The following A1BG variants were observed in gnomAD, a reference collection of about 807,000 sequenced individuals.
The protein encoded by A1BG is alpha-1-B glycoprotein, also known as alpha-1B-glycoprotein.
Under a neutral mutation model 46.0 loss-of-function variants are expected in A1BG, and 44 were observed. The observed-to-expected ratio is 0.96, with a 90% CI of 0.75 to 1.23. A1BG has a LOEUF of 1.23. A1BG is among the 50% of genes most tolerant of loss of function. The probability of loss-of-function intolerance (pLI) is 0.00; values close to 1 mark genes in which losing one functional copy is unlikely to be tolerated. For missense variants in A1BG, 707 were observed against 688.8 expected, an observed-to-expected ratio of 1.03 and a Z score of -0.30; for synonymous variants, 316 against 314.7, an observed-to-expected ratio of 1.00 and a Z score of -0.04.
rs145532647 is a variant in A1BG, at chr19:58,351,571, G to T, written c.730C>A (p.Arg244=). The change falls in exon 5 of 8, where the codon CGG becomes AGG. Residue 244 remains arginine (R), a synonymous_variant. Coordinates refer to ENST00000263100, the MANE Select transcript of A1BG (RefSeq NM_130786.4). ...ACCAGCAGCTCTTTCTCCCCGCGCC[G>T]TAGCTGGAAGTCCACTCCACTCAGG... ...APLSGVDFQL[R]RGEKELLVPR... 6.2e-7 allele frequency: 1 copy of T among 1,613,754 alleles called. No individual in the cohort carries two copies. Among genetic ancestry groups the T allele is most frequent in the East Asian group, 2.2e-5 (1 of 44,884 alleles).
intron 5 of A1BG, 79 bp from the exon 6 acceptor site, chr19:58,350,730 T>G: frequency 7.7e-7 from 1 of 1,296,340 alleles, no homozygotes; most frequent in Non-Finnish European, 9.8e-7. Flanking sequence ...TCGCGCTCTT[T>G]GCCTTGGCTG....
intron 6 of A1BG, chr19:58,350,007 G>A (rs914620368): frequency 9.2e-6 from 2 of 218,484 alleles, no homozygotes; most frequent in Non-Finnish European, 9.0e-6. Context: ...CACATCAGCC[G>A]TGCGCCTGCG....
chr19:58,346,785 C>G lies in A1BG; in HGVS notation c.*237G>C. The G allele has an allele frequency of 1.6e-6, 1 of 616,744 alleles. No homozygotes were observed. The highest frequency in any genetic ancestry group is 2.8e-5 in the East Asian group (1 of 35,820). 38.2% of individuals were successfully genotyped at this position (616,744 alleles called of 1,614,324 possible). A position where few individuals can be genotyped will look rare whatever the true frequency, so the allele number is the denominator to read the frequency against. ...GTTCTCCACTCCTCTACCTCAGGAG[C>G]CACCCCAGAACCCATCCACTTTGAG... On this transcript the variant is annotated 3_prime_UTR_variant, in exon 8 of 8. Transcript: ENST00000263100.
chr19:58,349,296 G>A (rs924648551), intron 6 of A1BG, among the ~76,000 whole-genome samples: 7 of 152,054 alleles, frequency 4.6e-5, no homozygotes, highest in African/African-American at 1.7e-4. Context: ...GATTACAGGC[G>A]TGAGCCACCT....
rs2051914702 is a variant in A1BG at position 58,346,530 on chromosome 19, C to A, written c.*492G>T. 4.4e-6 allele frequency: 1 copy of A among 226,662 alleles called. No individual in the cohort carries two copies. Among genetic ancestry groups the A allele is most frequent in the South Asian group, 5.4e-5 (1 of 18,554 alleles). 14.0% of individuals were successfully genotyped at this position (226,662 alleles called of 1,614,324 possible). On this transcript the variant is annotated 3_prime_UTR_variant, in exon 8 of 8. Coordinates refer to ENST00000263100, the MANE Select transcript of A1BG (RefSeq NM_130786.4). ...CTTAAGGCCAGGAGTTCAAGACAAG[C>A]TTGGGCAACACAGTGAGACCCTGTC...
rs2051925376 is a variant in A1BG, at chr19:58,347,688, G to GCCCCAGGCCACGCCCCAGGCCACA, written c.1193-49_1193-48insTGTGGCCTGGGGCGTGGCCTGGGG. On this transcript the variant is annotated intron_variant, in intron 6 of 7. Transcript: ENST00000263100. ...CGGGCCAGGCCACGCCCCAGGCCAC[G>GCCCCAGGCCACGCCCCAGGCCACA]CCCCAGGCCACACCCCAGGCCACAC... The GCCCCAGGCCACGCCCCAGGCCACA allele has an allele frequency of 4.9e-6, 5 of 1,025,964 alleles. No homozygotes were observed. The African/African-American group carries it at 6.9e-5, about 14-fold the overall frequency. The allele number at this position is 1,025,964 out of a possible 1,614,324, so 63.6% of individuals were successfully genotyped here. A position where few individuals can be genotyped will look rare whatever the true frequency, so the allele number is the denominator to read the frequency against.
intron 6 of A1BG, 134 bp downstream of exon 6, chr19:58,350,236 G>C (rs566538852): frequency 2.6e-4 from 311 of 1,179,600 alleles, no homozygotes; most frequent in Non-Finnish European, 3.2e-4. Context: ...CCTGCTCCCC[G>C]CCGGGGTAGG....
At position 58,352,265 on chromosome 19, in the gene A1BG, G is replaced by A. The variant is rs1455947277; in HGVS notation, c.613+18C>T. 1.9e-6 allele frequency: 3 copies of A among 1,611,254 alleles called. No individual in the cohort carries two copies. The highest frequency in any genetic ancestry group is 2.2e-5 in the East Asian group (1 of 44,832). On this transcript the variant is annotated intron_variant, in intron 4 of 7. Transcript: ENST00000263100. ...TCCTCCTCCCCCAGCAGCCCCCAGA[G>A]ATGGTTCCCACAGTCACCGAGCTCC... is the stretch of plus-strand genomic sequence containing the variant.
intron 6 of A1BG, chr19:58,349,755 GAGAAAGAAGGAAGGAAGAA>G (rs1568552958): frequency 1.3e-5 from 2 of 149,344 alleles, no homozygotes; most frequent in African/African-American, 2.5e-5. Flanking sequence ...AAAGAAAAGA[GAGAAAGAAGGAAGGAAGAA>G]AGAAAGAAGG....
rs1358109804 is a variant in A1BG, at chr19:58,346,786, C to T, written c.*236G>A. On this transcript the variant is annotated 3_prime_UTR_variant, in exon 8 of 8. Coordinates refer to ENST00000263100, the MANE Select transcript of A1BG (RefSeq NM_130786.4). Reference sequence around the variant, plus strand: ...TTCTCCACTCCTCTACCTCAGGAGCCACCCCAGAACCCATCCACTTTGAGG... The same window carrying T: ...TTCTCCACTCCTCTACCTCAGGAGCTACCCCAGAACCCATCCACTTTGAGG... 15 of 615,964 alleles carry T rather than the reference C, an allele frequency of 2.4e-5. No homozygotes were observed. In the East Asian group the frequency reaches 4.2e-4, roughly 17 times the overall value. 38.2% of individuals were successfully genotyped at this position (615,964 alleles called of 1,614,324 possible). A position where few individuals can be genotyped will look rare whatever the true frequency, so the allele number is the denominator to read the frequency against.
At chr19:58,352,760 C>T (rs1027308081) in intron 3 of A1BG, 168 bp downstream of exon 3, 62 of 1,208,478 alleles carry the variant, frequency 5.1e-5, no homozygotes, top group Non-Finnish European at 7.0e-5. Flanking sequence ...GCCGGGCCTG[C>T]TGGGGACACA....
intron 6 of A1BG, 130 bp downstream of exon 6, chr19:58,350,240 G>T: frequency 8.3e-7 from 1 of 1,202,310 alleles, no homozygotes; most frequent in Non-Finnish European, 1.1e-6. Context: ...CTCCCCGCCG[G>T]GGTAGGCGAT....
Position 58,350,625 on chromosome 19 carries a change from G to C in A1BG, c.937C>G (p.Pro313Ala), listed in dbSNP as rs1012461863. Residue 313 changes from proline (P) to alanine (A), a missense_variant, in exon 6 of 8, where the codon CCG becomes GCG. Pro to Ala is a conservative substitution (Grantham distance 27, BLOSUM62 -1). Transcript: ENST00000263100. ...AAGGCCCTGCCGGACTCCGGCTCCG[G>C]GGAGAACTCCGGCGCGGGCAGCGTC... is the stretch of plus-strand genomic sequence containing the variant. The part of the protein sequence containing the change: ...DETLPAPEFS[P>A]EPESGRALRL... The C allele has an allele frequency of 5.6e-6, 8 of 1,431,860 alleles. No individual in the cohort carries two copies. Among genetic ancestry groups the C allele is most frequent in the African/African-American group, 1.5e-5 (1 of 66,018 alleles). The allele number at this position is 1,431,860 out of a possible 1,614,324, so 88.7% of individuals were successfully genotyped here. A position where few individuals can be genotyped will look rare whatever the true frequency, so the allele number is the denominator to read the frequency against.
rs1004259425 is a variant in A1BG at position 58,352,636 on chromosome 19, A to C, written c.341-81T>G. 15 of 1,511,974 alleles carry C rather than the reference A, an allele frequency of 9.9e-6. No individual in the cohort carries two copies. The East Asian group carries it at 3.2e-4, about 32-fold the overall frequency. The allele number at this position is 1,511,974 out of a possible 1,614,324, so 93.7% of individuals were successfully genotyped here. A position where few individuals can be genotyped will look rare whatever the true frequency, so the allele number is the denominator to read the frequency against. Reference sequence around the variant, plus strand: ...CCAGCAGAACCTGGGCCCCACACTCATAAGACTGTGAAGGAGACAGGGATG... The same window carrying C: ...CCAGCAGAACCTGGGCCCCACACTCCTAAGACTGTGAAGGAGACAGGGATG... On this transcript the variant is annotated intron_variant, in intron 3 of 7. Transcript: ENST00000263100.
intron 6 of A1BG, 79 bp downstream of exon 6, chr19:58,350,291 C>G: frequency 6.9e-7 from 1 of 1,450,260 alleles, no homozygotes; most frequent in Non-Finnish European, 9.1e-7. Flanking sequence ...GTCGGACGCC[C>G]AAGGAAAGAG....
At position 58,346,129 on chromosome 19, in the gene A1BG, C is replaced by T. The variant is rs2051912152; in HGVS notation, c.*893G>A. Reference sequence around the variant, plus strand: ...GACCACAAAATGCAGCTTCCCTGAACCTCCTCTTGGTGATGGGGTTGATGT... The same window carrying T: ...GACCACAAAATGCAGCTTCCCTGAATCTCCTCTTGGTGATGGGGTTGATGT... On this transcript the variant is annotated 3_prime_UTR_variant, in exon 8 of 8. Coordinates refer to ENST00000263100, the MANE Select transcript of A1BG (RefSeq NM_130786.4). 2 of 152,486 alleles carry T rather than the reference C, an allele frequency of 1.3e-5. No individual in the cohort carries two copies. The highest frequency in any genetic ancestry group is 4.8e-5 in the African/African-American group (2 of 41,476). The allele number at this position is 152,486 out of a possible 1,614,324, so 9.4% of individuals were successfully genotyped here. A position where few individuals can be genotyped will look rare whatever the true frequency, so the allele number is the denominator to read the frequency against.
At position 58,346,422 on chromosome 19, in the gene A1BG, TAGAA is replaced by T. The variant is rs1195209508; in HGVS notation, c.*596_*599del. 1.9e-5 allele frequency: 3 copies of T among 156,872 alleles called. No homozygotes were observed. The highest frequency in any genetic ancestry group is 1.9e-4 in the East Asian group (1 of 5,160). 9.7% of individuals were successfully genotyped at this position (156,872 alleles called of 1,614,324 possible). On this transcript the variant is annotated 3_prime_UTR_variant, in exon 8 of 8. Transcript: ENST00000263100. The stretch of plus-strand genomic sequence containing the variant: ...ACTCATCTCTACAAAAAATAAATAA[TAGAA>T]AGAAAAATGTGAGTTGGCCAGGCAT...
In A1BG at chr19:58,347,021, A is replaced by T. The variant is rs1240913987; in HGVS notation, c.*1T>A. ...AACAGCACCCTGGGCCCGCGGCTGC[A>T]TCAGCTTTCTAGACAACGGGAGAAA... On this transcript the variant is annotated 3_prime_UTR_variant, in exon 8 of 8. Coordinates refer to ENST00000263100, the MANE Select transcript of A1BG (RefSeq NM_130786.4). 1.2e-6 allele frequency: 2 copies of T among 1,614,076 alleles called. No homozygotes were observed.
intron 6 of A1BG, chr19:58,348,723 G>A (rs957893934): frequency 1.3e-5 from 2 of 152,152 alleles, no homozygotes; most frequent in Non-Finnish European, 2.9e-5. Flanking sequence ...AATTTTTACT[G>A]TGAAACGTTT....
Sources: allele counts gnomAD v4.1 joint callset (sites outside exome capture counted in the v4.1 genomes callset), GRCh38; gene constraint gnomAD v4.1.1; transcripts MANE v1.5; gene names NCBI Gene and HGNC (gene_info 2026-07-23, HGNC 2026-07-21).